The following ANGEL1 variants were observed in gnomAD, a reference collection of about 807,000 sequenced individuals.
ANGEL1 encodes RNA 2',3'-cyclic phosphatase ANGEL1.
ANGEL1 carries 62 observed loss-of-function variants against 76.4 expected under a neutral mutation model. That is an observed-to-expected ratio of 0.81 (90% CI 0.66 to 1.00). The LOEUF is 1.00. Ranked by LOEUF, ANGEL1 falls within the 50% of genes least tolerant of loss-of-function variation. The pLI is 0.00. For synonymous variants in ANGEL1, 340 were observed against 331.7 expected (o/e 1.03, Z -0.27); for missense variants, 737 against 836.7 (o/e 0.88, Z 1.47).
rs369391052 is a variant in ANGEL1 at position 76,809,484 on chromosome 14, G to A, written c.224C>T (p.Thr75Ile). The A allele has an allele frequency of 1.2e-6, 2 of 1,614,228 alleles. No homozygotes were observed. The highest frequency in any genetic ancestry group is 1.6e-4 in the Middle Eastern group (1 of 6,062). ...ATCTATAAGGGGCCCCTCACTTGCAGTTGAGAGCACCTGGCTCAACCCTTC... is the reference window on the plus strand; with the variant it reads ...ATCTATAAGGGGCCCCTCACTTGCAATTGAGAGCACCTGGCTCAACCCTTC... ...REEGLSQVLS[T>I]ASEGPLIDKG... is the part of the protein sequence containing the mutation. Residue 75 changes from threonine to isoleucine, a missense_variant, in exon 2 of 10, where the codon ACT (threonine) becomes ATT (isoleucine). Physicochemically the swap from Thr to Ile is moderately conservative, Grantham distance 89 (BLOSUM62 -1). Coordinates refer to ENST00000251089, the MANE Select transcript of ANGEL1 (RefSeq NM_015305.4).
intron 5 of ANGEL1, among the ~76,000 whole-genome samples, chr14:76,804,625 A>T (rs913394559): frequency 6.6e-6 from 1 of 152,276 alleles, no homozygotes; most frequent in Non-Finnish European, 1.5e-5. Flanking sequence ...TGTCATCAGA[A>T]GTAAAACAGA....
chr14:76,807,410 A>C, intron 4 of ANGEL1, 23 bp downstream of exon 4: 12 of 1,603,512 alleles, frequency 7.5e-6, no homozygotes, highest in Non-Finnish European at 1.0e-5. Flanking sequence ...AAAGCTGGCA[A>C]GCATCCCAGG....
chr14:76,793,449 GAAGGAAGAA>G (rs1327110871), intron 7 of ANGEL1, among the ~76,000 whole-genome samples: 36 of 112,740 alleles, frequency 3.2e-4, no homozygotes, highest in Non-Finnish European at 6.1e-4. Flanking sequence ...GAGGGGAGGA[GAAGGAAGAA>G]GAGGGAGGAA....
Position 76,790,711 on chromosome 14 carries a change from C to CTGG in ANGEL1, c.1749_1751dup (p.Pro583_Gln584insHis), listed in dbSNP as rs1894378693. ...TTGTAGTGACCTCTGGGCGGCCACG[C>CTGG]TGGGGCAGGAAGTGGGTATATACTG... is the stretch of plus-strand genomic sequence containing the variant. On this transcript the variant is annotated inframe_insertion, in exon 9 of 10. Transcript: ENST00000251089. 1 of 1,614,046 alleles carries CTGG rather than the reference C, an allele frequency of 6.2e-7. No homozygotes were observed. The highest frequency in any genetic ancestry group is 1.1e-5 in the South Asian group (1 of 91,088).
chr14:76,810,113 G>A, intron 1 of ANGEL1: 1 of 447,934 alleles, frequency 2.2e-6, no homozygotes, highest in Non-Finnish European at 4.5e-6. Context: ...CTAGTCAGAT[G>A]AAGTTACTCT....
At chr14:76,805,103 C>T (rs1037632052) in intron 5 of ANGEL1, among the ~76,000 whole-genome samples, 2 of 151,926 alleles carry the variant, frequency 1.3e-5, no homozygotes, top group Admixed American at 6.6e-5. Flanking sequence ...TAATCACTAC[C>T]GGTTACTGAC....
At position 76,806,967 on chromosome 14, in the gene ANGEL1, A is replaced by C. The variant is rs186072688; in HGVS notation, c.947-118T>G. The C allele has an allele frequency of 1.3e-5, 15 of 1,182,572 alleles. No individual in the cohort carries two copies. The East Asian group carries it at 3.1e-4, about 24-fold the overall frequency. The allele number at this position is 1,182,572 out of a possible 1,614,324, so 73.3% of individuals were successfully genotyped here. ...AGGCATTGTTCCTGCTACTCAGTAAAGGAGCCTTTGCCACTTCCTTGGTTC... is the reference window on the plus strand; with the variant it reads ...AGGCATTGTTCCTGCTACTCAGTAACGGAGCCTTTGCCACTTCCTTGGTTC... On this transcript the variant is annotated intron_variant, in intron 4 of 9. Coordinates refer to ENST00000251089, the MANE Select transcript of ANGEL1 (RefSeq NM_015305.4).
chr14:76,808,610 G>A lies in ANGEL1; in HGVS notation c.649+449C>T, dbSNP rs1566701861. On this transcript the variant is annotated intron_variant, in intron 2 of 9. Coordinates refer to ENST00000251089, the MANE Select transcript of ANGEL1 (RefSeq NM_015305.4). ...CCCCTATGGCATGTGGCAGCATAGT[G>A]GATTTCAAATCTATTGACGCCATTC... Among the ~76,000 whole-genome samples, 3 of 152,238 alleles carry A rather than the reference G, an allele frequency of 2.0e-5. No individual in the cohort carries two copies. In the East Asian group the frequency reaches 5.8e-4, roughly 29 times the overall value.
intron 7 of ANGEL1, among the ~76,000 whole-genome samples, chr14:76,801,920 G>A (rs1464455854): frequency 6.6e-6 from 1 of 152,042 alleles, no homozygotes; most frequent in Non-Finnish European, 1.5e-5. Context: ...ACTTTGGGAG[G>A]CCAAGGCAGG....
Position 76,809,100 on chromosome 14 carries a change from A to T in ANGEL1, c.608T>A (p.Leu203Gln). Residue 203 changes from leucine (L) to glutamine (Q), a missense_variant, in exon 2 of 10, where the codon CTG (leucine) becomes CAG (glutamine). Physicochemically the swap from Leu to Gln is moderately radical, Grantham distance 113. Transcript: ENST00000251089. ...EEASIWPFEGLGQLQPPAVEI... is the reference protein window; with the variant it reads ...EEASIWPFEGQGQLQPPAVEI... ...CACTGCGGGAGGCTGCAACTGCCCC[A>T]GGCCCTCAAAGGGCCAGATGGAAGC... 6.2e-7 allele frequency: 1 copy of T among 1,614,036 alleles called. No homozygotes were observed. The highest frequency in any genetic ancestry group is 8.5e-7 in the Non-Finnish European group (1 of 1,179,954).
chr14:76,789,154 G>T lies in ANGEL1; in HGVS notation c.*74C>A. 8 of 1,551,488 alleles carry T rather than the reference G, an allele frequency of 5.2e-6. No homozygotes were observed. Among genetic ancestry groups the T allele is most frequent in the Non-Finnish European group, 7.0e-6 (8 of 1,142,842 alleles). On this transcript the variant is annotated 3_prime_UTR_variant, in exon 10 of 10. Coordinates refer to ENST00000251089, the MANE Select transcript of ANGEL1 (RefSeq NM_015305.4). ...GTTTCTTGGATCTAAGTTTCTAGAT[G>T]CATGGGATTTTTCCACAGTCTCTGA...
intron 7 of ANGEL1, among the ~76,000 whole-genome samples, chr14:76,802,551 T>C (rs1451871132): frequency 2.0e-5 from 3 of 152,168 alleles, no homozygotes; most frequent in Admixed American, 6.5e-5. Context: ...ATCTACCCTC[T>C]CTACCACTTG....
At chr14:76,796,459 T>C (rs1894581328) in intron 7 of ANGEL1, among the ~76,000 whole-genome samples, 1 of 152,096 alleles carries the variant, frequency 6.6e-6, no homozygotes, top group Admixed American at 6.5e-5. Flanking sequence ...TTTTGCCACA[T>C]TGCACAGGCT....
chr14:76,796,826 C>A (rs1894593629), intron 7 of ANGEL1, among the ~76,000 whole-genome samples: 1 of 152,100 alleles, frequency 6.6e-6, no homozygotes, highest in African/African-American at 2.4e-5. Flanking sequence ...CATGTTACAG[C>A]CTATGGTTTC....
rs775354721 is a variant in ANGEL1 at position 76,803,475 on chromosome 14, C to T, written c.1514G>A (p.Arg505His). 8 of 1,613,992 alleles carry T rather than the reference C, an allele frequency of 5.0e-6. No homozygotes were observed. The highest frequency in any genetic ancestry group is 4.4e-5 in the South Asian group (4 of 91,088). The change falls in exon 7 of 10, where the codon CGC (arginine) becomes CAC (histidine). Residue 505 changes from arginine to histidine, a missense_variant. Arg to His is a conservative substitution (Grantham distance 29). Coordinates refer to ENST00000251089, the MANE Select transcript of ANGEL1 (RefSeq NM_015305.4). Reference protein sequence around the residue: ...TSCHPKRSERRKYGRDFLLRF... With the variant: ...TSCHPKRSERHKYGRDFLLRF... ...TAGCAGGAAGTCTCGGCCATACTTGCGTCTCTCTGTAAACCAGGAAAAGAC... is the reference window on the plus strand; with the variant it reads ...TAGCAGGAAGTCTCGGCCATACTTGTGTCTCTCTGTAAACCAGGAAAAGAC...
rs532432424 is a variant in ANGEL1, at chr14:76,807,612, T to C, written c.877-110A>G. On this transcript the variant is annotated intron_variant, in intron 3 of 9. Transcript: ENST00000251089. ...GGAAGCTGCTGGGTCACACTGAAACTTCCCAGAGTCACCAACAGCAAGAAC... is the reference window on the plus strand; with the variant it reads ...GGAAGCTGCTGGGTCACACTGAAACCTCCCAGAGTCACCAACAGCAAGAAC... 12 of 1,043,136 alleles carry C rather than the reference T, an allele frequency of 1.2e-5. No individual in the cohort carries two copies. The African/African-American group carries it at 1.7e-4, about 15-fold the overall frequency. 64.6% of individuals were successfully genotyped at this position (1,043,136 alleles called of 1,614,324 possible). A position where few individuals can be genotyped will look rare whatever the true frequency, so the allele number is the denominator to read the frequency against.
chr14:76,793,557 G>GTTTT (rs113463837), intron 7 of ANGEL1, among the ~76,000 whole-genome samples: 2 of 131,860 alleles, frequency 1.5e-5, no homozygotes. Flanking sequence ...GGTTTTTTTG[G>GTTTT]TTTTTTTTTT....
intron 7 of ANGEL1, among the ~76,000 whole-genome samples, chr14:76,798,166 C>T (rs1191208638): frequency 6.6e-6 from 1 of 151,556 alleles, no homozygotes; most frequent in Non-Finnish European, 1.5e-5. Flanking sequence ...TCTCTGTTGC[C>T]CAGGCGGGAG....
chr14:76,804,074 A>C (rs1218600362), intron 5 of ANGEL1, 162 bp from the exon 6 acceptor site: 1 of 1,493,382 alleles, frequency 6.7e-7, no homozygotes, highest in Non-Finnish European at 8.9e-7. Context: ...AAAAATAAGG[A>C]CCAAATTAAA....
Sources: allele counts gnomAD v4.1 joint callset (sites outside exome capture counted in the v4.1 genomes callset), GRCh38; gene constraint gnomAD v4.1.1; transcripts MANE v1.5; gene names NCBI Gene and HGNC (gene_info 2026-07-23, HGNC 2026-07-21).